Variants in UPP2 observed in about 807,000 individuals in gnomAD.
UPP2 encodes the protein UPase 2.
In UPP2, 23 loss-of-function variants were observed where a neutral mutation model predicts 26.7. The observed-to-expected ratio is 0.86, with a 90% confidence interval of 0.62 to 1.22. The LOEUF (loss-of-function observed/expected upper bound fraction) is 1.22, where lower values mean the gene tolerates loss of function less well. Ranked by LOEUF, UPP2 falls within the 50% of genes most tolerant of loss-of-function variation. The probability of loss-of-function intolerance (pLI) is 0.00; values close to 1 mark genes in which losing one functional copy is unlikely to be tolerated. For synonymous variants in UPP2, 127 were observed against 141.3 expected, an observed-to-expected ratio of 0.90 and a Z score of 0.72; for missense variants, 387 against 396.7, an observed-to-expected ratio of 0.98 and a Z score of 0.21.
Position 158,101,990 on chromosome 2 carries a change from A to G in UPP2, c.-74A>G, listed in dbSNP as rs766541983. ...GAACTGAACTATTATGACTAGGTCT[A>G]TAATTTAATAACAAGTCACAATATC... On this transcript the variant is annotated 5_prime_UTR_variant, in exon 1 of 7. Transcript: ENST00000005756. The G allele has an allele frequency of 1.4e-5, 23 of 1,600,540 alleles. No homozygotes were observed. The highest frequency in any genetic ancestry group is 1.5e-5 in the Non-Finnish European group (18 of 1,175,036).
At chr2:158,058,094 C>T (rs764103627) in intron 3 of UPP2, among the ~76,000 whole-genome samples, 5 of 152,070 alleles carry the variant, frequency 3.3e-5, no homozygotes, top group Admixed American at 1.3e-4. Flanking sequence ...GAGATCGAGA[C>T]CATCCTAGCT....
intron 1 of UPP2, among the ~76,000 whole-genome samples, chr2:158,104,006 T>A (rs1683128610): frequency 6.6e-6 from 1 of 152,226 alleles, no homozygotes; most frequent in African/African-American, 2.4e-5. Flanking sequence ...AATCTATAAC[T>A]CTAGATGTTT....
At chr2:158,066,061 G>C in intron 3 of UPP2, 1 of 283,160 alleles carries the variant, frequency 3.5e-6, no homozygotes. Flanking sequence ...AACTGTTGCA[G>C]TTAATAAAAC....
At chr2:158,059,289 T>C (rs1216903235) in intron 3 of UPP2, among the ~76,000 whole-genome samples, 1 of 152,220 alleles carries the variant, frequency 6.6e-6, no homozygotes, top group Non-Finnish European at 1.5e-5. Flanking sequence ...ATAATGAACT[T>C]GACCATCAGG....
At chr2:158,100,402 T>C (rs1390458112), upstream of UPP2, among the ~76,000 whole-genome samples, 1 of 152,214 alleles carries the variant, frequency 6.6e-6, no homozygotes, top group Non-Finnish European at 1.5e-5. Flanking sequence ...ACTTATCTAA[T>C]TAGCTAACAT....
intron 3 of UPP2, among the ~76,000 whole-genome samples, chr2:158,031,133 A>G (rs1420517699): frequency 1.3e-5 from 2 of 152,228 alleles, no homozygotes; most frequent in African/African-American, 2.4e-5. Flanking sequence ...CTCAGAATTA[A>G]AAGAAAACAA....
intron 3 of UPP2, among the ~76,000 whole-genome samples, chr2:158,022,544 T>C (rs1446347499): frequency 6.6e-6 from 1 of 152,136 alleles, no homozygotes; most frequent in African/African-American, 2.4e-5. Context: ...ATGTTATACT[T>C]CATTTAAAAA....
intron 3 of UPP2, among the ~76,000 whole-genome samples, chr2:158,038,379 G>C (rs1404226244): frequency 1.3e-5 from 2 of 152,176 alleles, no homozygotes; most frequent in East Asian, 3.8e-4. Context: ...TGATTTCAAA[G>C]AACCAGATTG....
At chr2:158,113,914 A>G (rs566062255) in intron 2 of UPP2, among the ~76,000 whole-genome samples, 2 of 152,326 alleles carry the variant, frequency 1.3e-5, no homozygotes, top group South Asian at 4.1e-4. Flanking sequence ...AAATTGCTAC[A>G]TGATATAAAA....
chr2:158,077,633 C>A (rs1373165537), intron 3 of UPP2, among the ~76,000 whole-genome samples: 1 of 152,062 alleles, frequency 6.6e-6, no homozygotes, highest in East Asian at 1.9e-4. Flanking sequence ...ATATAAAAAT[C>A]AAATCAAAAT....
chr2:158,002,465 C>T (rs1183580420), intron 2 of UPP2, among the ~76,000 whole-genome samples: 2 of 152,326 alleles, frequency 1.3e-5, no homozygotes, highest in East Asian at 3.9e-4. Flanking sequence ...TTCCGAAACA[C>T]CTTGGAAGCC....
intron 3 of UPP2, among the ~76,000 whole-genome samples, chr2:158,047,992 GCAGAGAGTT>G (rs112424293): frequency 0.015 from 2,236 of 152,250 alleles, 54 homozygotes; most frequent in African/African-American, 0.05. Flanking sequence ...GCAGTCCTGA[GCAGAGAGTT>G]CAGTGAGGGT....
intron 2 of UPP2, among the ~76,000 whole-genome samples, chr2:158,112,142 T>C (rs947888724): frequency 1.3e-5 from 2 of 152,152 alleles, no homozygotes; most frequent in Non-Finnish European, 2.9e-5. Context: ...GAATGCAGGA[T>C]AGCCAAAATA....
At chr2:158,044,446 C>G (rs1006503101) in intron 3 of UPP2, among the ~76,000 whole-genome samples, 1 of 152,014 alleles carries the variant, frequency 6.6e-6, no homozygotes, top group Non-Finnish European at 1.5e-5. Flanking sequence ...TTCAGGGAGC[C>G]TAAAGGGGCA....
intron 3 of UPP2, among the ~76,000 whole-genome samples, chr2:158,077,261 T>C (rs1267264918): frequency 6.6e-6 from 1 of 151,960 alleles, no homozygotes; most frequent in Non-Finnish European, 1.5e-5. Flanking sequence ...AAAATACCAA[T>C]GACATTCTTC....
At chr2:158,062,381 T>C (rs1347161672) in intron 3 of UPP2, among the ~76,000 whole-genome samples, 1 of 152,208 alleles carries the variant, frequency 6.6e-6, no homozygotes, top group African/African-American at 2.4e-5. Flanking sequence ...GAATGGGCCT[T>C]GGGGAGCCAG....
intron 3 of UPP2, among the ~76,000 whole-genome samples, chr2:158,074,692 C>CACAT (rs1021619701): frequency 5.0e-5 from 7 of 138,880 alleles, no homozygotes; most frequent in South Asian, 2.3e-4. Context: ...GACCTTCATA[C>CACAT]ACACACACAC....
At chr2:158,077,456 T>C (rs1293507235) in intron 3 of UPP2, among the ~76,000 whole-genome samples, 1 of 151,964 alleles carries the variant, frequency 6.6e-6, no homozygotes, top group African/African-American at 2.4e-5. Context: ...CATAGACCAA[T>C]GGAACAGAAT....
rs1351989596 is a variant in UPP2 at position 158,101,936 on chromosome 2, G to GT, written c.-124dup. 5 of 1,409,856 alleles carry GT rather than the reference G, an allele frequency of 3.5e-6. No individual in the cohort carries two copies. The highest frequency in any genetic ancestry group is 1.8e-5 in the South Asian group (1 of 55,254). The allele number at this position is 1,409,856 out of a possible 1,614,324, so 87.3% of individuals were successfully genotyped here. On this transcript the variant is annotated 5_prime_UTR_variant, in exon 1 of 7. Transcript: ENST00000005756. ...TTAGCAATTTCACAGGAAAACCTAA[G>GT]TTTTAAGAGAGGTTATCATTCTGAC...
Sources: gnomAD v4.1 joint callset for allele counts (sites outside exome capture counted in the v4.1 genomes callset) on GRCh38, gnomAD v4.1.1 for gene constraint, MANE v1.5 for transcripts, NCBI Gene and HGNC (gene_info 2026-07-23, HGNC 2026-07-21) for gene names.